The following AGAP1 variants were observed in gnomAD, a reference collection of about 807,000 sequenced individuals.
The protein encoded by AGAP1 is ArfGAP with GTPase domain, ankyrin repeat and PH domain 1, also known as arf-GAP with GTPase, ANK repeat and PH domain-containing protein 1.
Under a neutral mutation model 105.3 loss-of-function variants are expected in AGAP1, and 29 were observed. The observed-to-expected ratio is 0.28, with a 90% CI of 0.21 to 0.38. The LOEUF is 0.38. AGAP1 is among the 10% of genes least tolerant of loss of function. The pLI is 1.00. For missense variants in AGAP1, 998 were observed against 1,165.1 expected, an observed-to-expected ratio of 0.86 and a Z score of 2.09; for synonymous variants, 509 against 485.9, an observed-to-expected ratio of 1.05 and a Z score of -0.63.
rs1159222978 is a variant in AGAP1, at chr2:235,979,807, AT to A, written c.1645+11191del. On this transcript the variant is annotated intron_variant, in intron 13 of 17. Coordinates refer to ENST00000304032, the MANE Select transcript of AGAP1 (RefSeq NM_001037131.3). The surrounding 1 kb of genome is among the most constrained non-coding windows in gnomAD (Gnocchi z 4.5). ...ACTGCACACAGTTTAATTCTATTTA[AT>A]TTTTTTAAGTGGAAAAAAGCAAAGG... 3.9e-5 allele frequency among the ~76,000 whole-genome samples: 6 copies of A among 152,276 alleles called. No homozygotes were observed. The highest frequency in any genetic ancestry group is 1.3e-4 in the Admixed American group (2 of 15,296).
Position 236,124,068 on chromosome 2 carries a change from C to T in AGAP1, c.2520C>T (p.Ser840=). ...TGCTCATGGCCACCCCTAACCTGTC[C>T]AGGAGAAACAATAACCGGAACAACA... ...RFVLMATPNL[S]RRNNNRNNSS... The change falls in exon 18 of 18, where the codon TCC becomes TCT. Residue 840 remains serine (S), a synonymous_variant. Transcript: ENST00000304032. This position sits in a 1 kb window ranked among gnomAD's most constrained non-coding sequence, Gnocchi z 5.1. The T allele has an allele frequency of 6.2e-7, 1 of 1,614,122 alleles. No homozygotes were observed.
At chr2:235,948,833 C>T (rs2053609561) in intron 12 of AGAP1, among the ~76,000 whole-genome samples, 1 of 152,082 alleles carries the variant, frequency 6.6e-6, no homozygotes, top group African/African-American at 2.4e-5. Context: ...GACAGGTGTA[C>T]GGGAAGACCC....
At chr2:236,097,380 CTTTTTTTTTTTTT>C (rs58882083) in intron 16 of AGAP1, among the ~76,000 whole-genome samples, 100 of 48,672 alleles carry the variant, frequency 2.1e-3, no homozygotes, top group Middle Eastern at 0.019. Context: ...TCATCCTAAT[CTTTTTTTTTTTTT>C]TTTTTTTTTT....
chr2:235,819,146 C>T (rs1356355807), intron 9 of AGAP1, among the ~76,000 whole-genome samples: 1 of 147,800 alleles, frequency 6.8e-6, no homozygotes, highest in African/African-American at 2.5e-5. Context: ...ACAGAGTCTA[C>T]TCTGACACCC....
At chr2:235,607,364 T>C (rs115271938) in intron 1 of AGAP1, among the ~76,000 whole-genome samples, 2,322 of 152,340 alleles carry the variant, frequency 0.015, 52 homozygotes, top group African/African-American at 0.053. Context: ...CTTATATTCA[T>C]GCAATCTCAC....
chr2:236,112,940 C>T lies in AGAP1; in HGVS notation c.2115-7252C>T, dbSNP rs1272516218. On this transcript the variant is annotated intron_variant, in intron 16 of 17. Transcript: ENST00000304032. ...ATGGTGTAAAATTCCCTAAGTCTTT[C>T]CTTCCTTCTTGCTGTGTTTCAAAGA... Among the ~76,000 whole-genome samples, 3 of 152,260 alleles carry T rather than the reference C, an allele frequency of 2.0e-5. No homozygotes were observed. The East Asian group carries it at 5.8e-4, about 29-fold the overall frequency.
chr2:235,923,111 ACT>A lies in AGAP1; in HGVS notation c.1325-7651_1325-7650del, dbSNP rs1169739285. 1.9e-4 allele frequency among the ~76,000 whole-genome samples: 29 copies of A among 151,914 alleles called. 1 individual carries two copies. The South Asian group carries it at 5.6e-3, about 29-fold the overall frequency. On this transcript the variant is annotated intron_variant, in intron 11 of 17. Transcript: ENST00000304032. ...CCGTAGATGGGGTATTTGAGGAAAC[ACT>A]CTTTCTGAGTTCAGAATGGGCCATG...
rs1468311395 is a variant in AGAP1 at position 235,635,469 on chromosome 2, G to A, written c.164-73710G>A. On this transcript the variant is annotated intron_variant, in intron 1 of 17. Coordinates refer to ENST00000304032, the MANE Select transcript of AGAP1 (RefSeq NM_001037131.3). The surrounding 1 kb of genome is among the most constrained non-coding windows in gnomAD (Gnocchi z 5.3). The stretch of plus-strand genomic sequence containing the variant: ...TTTGTCATTTTGGTGTGGTGAATTC[G>A]TTCTTTTATTCATCATCCAAAAAGT... 1.3e-5 allele frequency among the ~76,000 whole-genome samples: 2 copies of A among 152,086 alleles called. No individual in the cohort carries two copies. The highest frequency in any genetic ancestry group is 1.5e-5 in the Non-Finnish European group (1 of 68,026).
At chr2:236,037,225 A>G (rs1412708105) in intron 14 of AGAP1, 1 of 153,502 alleles carries the variant, frequency 6.5e-6, no homozygotes, top group Non-Finnish European at 1.4e-5. Flanking sequence ...AAAGCCTGGT[A>G]TGTGTTTTAT....
chr2:235,742,491 C>T (rs569510145), intron 4 of AGAP1, among the ~76,000 whole-genome samples: 4 of 152,150 alleles, frequency 2.6e-5, no homozygotes, highest in Non-Finnish European at 4.4e-5. Context: ...ACCTTGAAGA[C>T]GTGTTAAAAG....
intron 1 of AGAP1, among the ~76,000 whole-genome samples, chr2:235,547,887 A>C (rs888348943): frequency 6.6e-6 from 1 of 152,258 alleles, no homozygotes; most frequent in Non-Finnish European, 1.5e-5. Flanking sequence ...TAATGGAGGC[A>C]ACAGGCAGAT....
At chr2:235,618,406 C>T (rs1187200474) in intron 1 of AGAP1, among the ~76,000 whole-genome samples, 1 of 152,100 alleles carries the variant, frequency 6.6e-6, no homozygotes, top group African/African-American at 2.4e-5. Context: ...GTCTATCTTG[C>T]AAGTTGAAGC....
chr2:235,862,772 C>G (rs540934735), intron 9 of AGAP1, among the ~76,000 whole-genome samples: 1 of 152,174 alleles, frequency 6.6e-6, no homozygotes, highest in African/African-American at 2.4e-5. Context: ...TTTGAACTTC[C>G]GTAATAGATG....
chr2:235,562,575 G>A (rs1944193362), intron 1 of AGAP1, among the ~76,000 whole-genome samples: 2 of 152,006 alleles, frequency 1.3e-5, no homozygotes. Context: ...TGGTGGCCTG[G>A]CAGACTCAGG....
chr2:235,917,302 C>G (rs1056524589), intron 11 of AGAP1, among the ~76,000 whole-genome samples: 7 of 152,050 alleles, frequency 4.6e-5, no homozygotes, highest in African/African-American at 1.7e-4. Context: ...CCGTTGACAT[C>G]TAAAGTCTCA....
intron 9 of AGAP1, among the ~76,000 whole-genome samples, chr2:235,881,462 G>A (rs1407881706): frequency 6.6e-6 from 1 of 152,118 alleles, no homozygotes; most frequent in African/African-American, 2.4e-5. Context: ...TCATATTAAG[G>A]TTACATAAGT....
rs560766693 is a variant in AGAP1 at position 235,816,889 on chromosome 2, A to AG, written c.1050+9558_1050+9559insG. On this transcript the variant is annotated intron_variant, in intron 9 of 17. Coordinates refer to ENST00000304032, the MANE Select transcript of AGAP1 (RefSeq NM_001037131.3). ...TTTGATCTCTGTCTCAAAAAGAAGA[A>AG]AAAAAAAAAGATATCTACCAAGACC... Among the ~76,000 whole-genome samples, 351 of 149,978 alleles carry AG rather than the reference A, an allele frequency of 2.3e-3. 4 individuals carry two copies. Among genetic ancestry groups the AG allele is most frequent in the African/African-American group, 8.0e-3 (326 of 40,552 alleles).
At chr2:236,118,916 A>G (rs1038597074) in intron 16 of AGAP1, among the ~76,000 whole-genome samples, 3 of 152,012 alleles carry the variant, frequency 2.0e-5, no homozygotes, top group African/African-American at 7.3e-5. Context: ...ACCAGAAACC[A>G]TCATCAGTAG....
At chr2:235,804,188 A>G (rs982176620) in intron 8 of AGAP1, among the ~76,000 whole-genome samples, 4 of 152,186 alleles carry the variant, frequency 2.6e-5, no homozygotes, top group African/African-American at 9.7e-5. Context: ...AATTTGGTCT[A>G]TATTATCTGT....
Sources: allele counts gnomAD v4.1 joint callset (sites outside exome capture counted in the v4.1 genomes callset), GRCh38; gene constraint gnomAD v4.1.1; non-coding constraint Gnocchi (gnomAD v3.1); transcripts MANE v1.5; gene names NCBI Gene and HGNC (gene_info 2026-07-23, HGNC 2026-07-21).